MYH8: variants seen among roughly 807,000 people sequenced by gnomAD.
MYH8 encodes myosin-8.
MYH8 carries 168 observed loss-of-function variants against 233.2 expected under a neutral mutation model. The observed-to-expected ratio is 0.72, with a 90% CI of 0.64 to 0.82. MYH8 has a LOEUF of 0.82. Among genes scored for constraint, MYH8 ranks in the 40% least tolerant of loss-of-function variants. MYH8 has a pLI of 0.00. For synonymous variants in MYH8, 785 were observed against 850.6 expected (o/e 0.92, Z 1.34); for missense variants, 1,995 against 2,327.8 (o/e 0.86, Z 2.94).
rs2072116006 is a variant in MYH8 at position 10,399,631 on chromosome 17, T to C, written c.3774A>G (p.Gln1258=). ...LEKMCRSLED[Q]VSELKTKEEE... is the part of the protein sequence containing the mutation. The stretch of plus-strand genomic sequence containing the variant: ...CTTCCTTGGTCTTAAGCTCACTCAC[T>C]TGATCTTCTAGAGAGCGGCACATCT... The change falls in exon 28 of 40, where the codon CAA becomes CAG. Residue 1258 remains glutamine (Q), a synonymous_variant. Coordinates refer to ENST00000403437, the MANE Select transcript of MYH8 (RefSeq NM_002472.3). The C allele has an allele frequency of 6.2e-7, 1 of 1,614,152 alleles. No individual in the cohort carries two copies. Among genetic ancestry groups the C allele is most frequent in the Non-Finnish European group, 8.5e-7 (1 of 1,180,032 alleles).
rs750424647 is a variant in MYH8, at chr17:10,406,923, C to G, written c.2022G>C (p.Arg674=). ...TTTTGGTTTCATTGGGAATGATACA[C>G]CGTACGAAGTGAGGGTGTGTGCTCC... ...NLRSTHPHFV[R]CIIPNETKTP... Residue 674 remains arginine (R), a synonymous_variant, in exon 18 of 40, where the codon CGG becomes CGC. Coordinates refer to ENST00000403437, the MANE Select transcript of MYH8 (RefSeq NM_002472.3). 3 of 1,613,920 alleles carry G rather than the reference C, an allele frequency of 1.9e-6. No homozygotes were observed. The highest frequency in any genetic ancestry group is 1.7e-5 in the Admixed American group (1 of 60,018).
At chr17:10,405,923 A>G (rs1425757649) in intron 21 of MYH8, 118 bp downstream of exon 21, 2 of 1,240,590 alleles carry the variant, frequency 1.6e-6, no homozygotes, top group African/African-American at 1.5e-5. Context: ...TGTAGGAGTG[A>G]GTTCTGAATT....
chr17:10,393,269 C>T, intron 35 of MYH8, 59 bp from the exon 36 acceptor site: 2 of 1,608,416 alleles, frequency 1.2e-6, no homozygotes, highest in Non-Finnish European at 1.7e-6. Context: ...TGGGATTTTA[C>T]AAGTGTCTTA....
chr17:10,404,614 AC>A lies in MYH8; in HGVS notation c.2433-30del, dbSNP rs1370826538. ...CGATGACATGAAAATATCAGTGTAG[AC>A]TAATCCATCAGAGCCAATGTTATTG... On this transcript the variant is annotated intron_variant, in intron 21 of 39. Coordinates refer to ENST00000403437, the MANE Select transcript of MYH8 (RefSeq NM_002472.3). 2.5e-6 allele frequency: 4 copies of A among 1,613,396 alleles called. No homozygotes were observed. In the Admixed American group the frequency reaches 6.7e-5, roughly 27 times the overall value.
Position 10,395,334 on chromosome 17 carries a change from G to T in MYH8, c.4761C>A (p.Asp1587Glu), listed in dbSNP as rs2072069518. Residue 1587 changes from aspartate (D) to glutamate (E), a missense_variant, in exon 34 of 40, where the codon GAC (aspartate) becomes GAA (glutamate). This residue lies in a region of MYH8 where 1,498 missense variants were observed against 1,680.9 expected (regional missense o/e 0.89). Transcript: ENST00000403437. ...RKIAEKDEEI[D>E]QLKRNHTRVV... ...CTCTAGTGTGGTTTCTCTTCAGCTG[G>T]TCAATTTCCTCATCCTTTTCTGCGA... 1.9e-6 allele frequency: 3 copies of T among 1,614,140 alleles called. No individual in the cohort carries two copies. Among genetic ancestry groups the T allele is most frequent in the Non-Finnish European group, 2.5e-6 (3 of 1,180,036 alleles).
intron 38 of MYH8, 49 bp downstream of exon 38, chr17:10,392,493 T>C (rs1251640363): frequency 1.3e-6 from 2 of 1,526,918 alleles, no homozygotes; most frequent in Admixed American, 3.3e-5. Flanking sequence ...GGTTTTCAAT[T>C]TCCTTCTGGG....
At position 10,410,934 on chromosome 17, in the gene MYH8, T is replaced by C; in HGVS notation, c.1430A>G (p.Glu477Gly). Residue 477 changes from glutamate (E) to glycine (G), a missense_variant, in exon 15 of 40, where the codon GAG becomes GGG. Around this residue, in one of 3 missense-constraint regions of MYH8, gnomAD observed 479 missense variants for 600.9 expected, o/e 0.80. Coordinates refer to ENST00000403437, the MANE Select transcript of MYH8 (RefSeq NM_002472.3). ...GFEIFDFNSL[E>G]QLCINFTNEK... ...GTTGGTGAAGTTGATGCACAGCTGC[T>C]CCAGGCTGTTAAACTACACAAAATA... 5 of 1,614,122 alleles carry C rather than the reference T, an allele frequency of 3.1e-6. No individual in the cohort carries two copies. In the South Asian group the frequency reaches 5.5e-5, roughly 18 times the overall value.
intron 27 of MYH8, 81 bp from the exon 28 acceptor site, chr17:10,399,750 GTAAA>G: frequency 6.3e-7 from 1 of 1,575,858 alleles, no homozygotes; most frequent in Non-Finnish European, 8.7e-7. Context: ...TATTTGTAGA[GTAAA>G]TAAATTCATG....
Position 10,404,317 on chromosome 17 carries a change from A to G in MYH8, c.2688+13T>C. Reference sequence around the variant, plus strand: ...TTCAGTAACATGGTGCATTCAGAATATGGAGTACTCACAGATTGAACCTGG... The same window carrying G: ...TTCAGTAACATGGTGCATTCAGAATGTGGAGTACTCACAGATTGAACCTGG... On this transcript the variant is annotated intron_variant, in intron 22 of 39. Coordinates refer to ENST00000403437, the MANE Select transcript of MYH8 (RefSeq NM_002472.3). 3.1e-6 allele frequency: 5 copies of G among 1,613,896 alleles called. No individual in the cohort carries two copies. Among genetic ancestry groups the G allele is most frequent in the Non-Finnish European group, 4.2e-6 (5 of 1,179,808 alleles).
At position 10,394,284 on chromosome 17, in the gene MYH8, C is replaced by T; in HGVS notation, c.5131G>A (p.Asp1711Asn). The T allele has an allele frequency of 6.2e-7, 1 of 1,613,998 alleles. No homozygotes were observed. The highest frequency in any genetic ancestry group is 8.5e-7 in the Non-Finnish European group (1 of 1,179,948). ...SRKIAEQELL[D>N]ASERVQLLHT... ...AGGAGCTGGACACGCTCACTGGCAT[C>T]CAGGAGCTCCTGTTCGGCGATTTTC... is the stretch of plus-strand genomic sequence containing the variant. Residue 1711 changes from aspartate (D) to asparagine (N), a missense_variant, in exon 35 of 40, where the codon GAT becomes AAT. Asp to Asn is a conservative substitution (Grantham distance 23, BLOSUM62 1). Around this residue, in one of 3 missense-constraint regions of MYH8, gnomAD observed 1,498 missense variants for 1,680.9 expected, o/e 0.89. Transcript: ENST00000403437.
chr17:10,412,652 C>T lies in MYH8; in HGVS notation c.1224G>A (p.Lys408=), dbSNP rs2142186575. The T allele has an allele frequency of 1.2e-6, 2 of 1,614,226 alleles. No homozygotes were observed. The highest frequency in any genetic ancestry group is 2.2e-5 in the East Asian group (1 of 44,886). ...CTTTGGTGACATACTCATTGCCAAC[C>T]TTGACCCTAGGGTAGCAGAGGGCTT... ...LLKALCYPRV[K]VGNEYVTKGQ... The change falls in exon 13 of 40, where the codon AAG becomes AAA. Residue 408 remains lysine (K), a synonymous_variant. Coordinates refer to ENST00000403437, the MANE Select transcript of MYH8 (RefSeq NM_002472.3).
At position 10,417,488 on chromosome 17, in the gene MYH8, T is replaced by C. The variant is rs1163205640; in HGVS notation, c.511+1157A>G. On this transcript the variant is annotated intron_variant, in intron 5 of 39. Transcript: ENST00000403437. The surrounding 1 kb of genome is among the most constrained non-coding windows in gnomAD (Gnocchi z 4.1). Reference sequence around the variant, plus strand: ...CAGATGAGAAAACAATGTTCTGGTCTCTTGGCAATGCTAAAATAACACTCA... The same window carrying C: ...CAGATGAGAAAACAATGTTCTGGTCCCTTGGCAATGCTAAAATAACACTCA... 6.6e-6 allele frequency among the ~76,000 whole-genome samples: 1 copy of C among 152,210 alleles called. No homozygotes were observed. Among genetic ancestry groups the C allele is most frequent in the Non-Finnish European group, 1.5e-5 (1 of 68,024 alleles).
At chr17:10,402,610 CAT>C (rs2072153555) in intron 22 of MYH8, among the ~76,000 whole-genome samples, 1 of 151,386 alleles carries the variant, frequency 6.6e-6, no homozygotes, top group African/African-American at 2.4e-5. Flanking sequence ...CACATAGACA[CAT>C]ATATAGGCAC....
rs1567682404 is a variant in MYH8 at position 10,396,948 on chromosome 17, T to A, written c.4217A>T (p.His1406Leu). The part of the protein sequence containing the change: ...LAQRLQEAEE[H>L]VEAVNAKCAS... ...ACATTTGGCGTTCACAGCTTCTACA[T>A]GTTCCTCAGCTTCTTGCAGGCGCTG... The change falls in exon 31 of 40, where the codon CAT becomes CTT. Residue 1406 changes from histidine to leucine, a missense_variant. Physicochemically the swap from His to Leu is moderately conservative, Grantham distance 99 (BLOSUM62 -3). This residue lies in a region of MYH8 where 1,498 missense variants were observed against 1,680.9 expected (regional missense o/e 0.89). Transcript: ENST00000403437. This position sits in a 1 kb window ranked among gnomAD's most constrained non-coding sequence, Gnocchi z 4.2. 2 of 1,614,238 alleles carry A rather than the reference T, an allele frequency of 1.2e-6. No homozygotes were observed. The highest frequency in any genetic ancestry group is 4.5e-5 in the East Asian group (2 of 44,886).
chr17:10,407,499 CTGGGACCTCTTACCCTCT>C (rs1459561003), intron 17 of MYH8, among the ~76,000 whole-genome samples: 3 of 152,032 alleles, frequency 2.0e-5, no homozygotes, highest in Admixed American at 2.0e-4. Flanking sequence ...GTAATATTTC[CTGGGACCTCTTACCCTCT>C]TGTTTTCTTT....
chr17:10,390,534 G>T lies in MYH8; in HGVS notation c.5734C>A (p.Arg1912=), dbSNP rs751931786. 1 of 1,614,176 alleles carries T rather than the reference G, an allele frequency of 6.2e-7. No homozygotes were observed. Among genetic ancestry groups the T allele is most frequent in the East Asian group, 2.2e-5 (1 of 44,880 alleles). Residue 1912 remains arginine (R), a synonymous_variant, in exon 40 of 40, where the codon CGG becomes AGG. Transcript: ENST00000403437. ...ACCTGGGACTCAGCAATGTCAGCCC[G>T]TTCCTCGGCCTCCTCCAGCTCATGC... is the stretch of plus-strand genomic sequence containing the variant. ...LQHELEEAEE[R]ADIAESQVNK...
chr17:10,393,927 C>T (rs898114748), intron 35 of MYH8, among the ~76,000 whole-genome samples: 3 of 142,152 alleles, frequency 2.1e-5, no homozygotes, highest in Non-Finnish European at 4.5e-5. Context: ...CAATAGTATT[C>T]TACCTCATGG....
rs778313343 is a variant in MYH8 at position 10,415,111 on chromosome 17, C to T, written c.805+5G>A. 2.1e-5 allele frequency: 34 copies of T among 1,611,104 alleles called. No individual in the cohort carries two copies. Among genetic ancestry groups the T allele is most frequent in the Middle Eastern group, 3.3e-4 (2 of 6,076 alleles). On this transcript the variant is annotated splice_donor_5th_base_variant and intron_variant, in intron 9 of 39. Coordinates refer to ENST00000403437, the MANE Select transcript of MYH8 (RefSeq NM_002472.3). The surrounding 1 kb of genome is among the most constrained non-coding windows in gnomAD (Gnocchi z 4.1). ...GTTTTGATTTTCAATGGTCCTGTTACTCACATGTTTCTATATCAGCAGATG... is the reference window on the plus strand; with the variant it reads ...GTTTTGATTTTCAATGGTCCTGTTATTCACATGTTTCTATATCAGCAGATG...
chr17:10,409,461 A>T lies in MYH8; in HGVS notation c.1715T>A (p.Val572Asp). The part of the protein sequence containing the change: ...KSANFQKPKV[V>D]KGKAEAHFSL... ...GAAGTGGGCCTCAGCCTTGCCTTTGACCACCTTGGGCTTCTGGAAGTTGGC... is the reference window on the plus strand; with the variant it reads ...GAAGTGGGCCTCAGCCTTGCCTTTGTCCACCTTGGGCTTCTGGAAGTTGGC... Residue 572 changes from valine (V) to aspartate (D), a missense_variant, in exon 16 of 40, where the codon GTC becomes GAC. Around this residue, in one of 3 missense-constraint regions of MYH8, gnomAD observed 1,498 missense variants for 1,680.9 expected, o/e 0.89. Transcript: ENST00000403437. 2 of 1,614,150 alleles carry T rather than the reference A, an allele frequency of 1.2e-6. No homozygotes were observed. Among genetic ancestry groups the T allele is most frequent in the East Asian group, 4.5e-5 (2 of 44,878 alleles).
Sources: allele counts gnomAD v4.1 joint callset (sites outside exome capture counted in the v4.1 genomes callset), GRCh38; gene constraint gnomAD v4.1.1; regional missense constraint gnomAD v4.1.1; non-coding constraint Gnocchi (gnomAD v3.1); transcripts MANE v1.5; gene names NCBI Gene and HGNC (gene_info 2026-07-23, HGNC 2026-07-21).